The following SDR16C5 variants were observed in gnomAD, a reference collection of about 807,000 sequenced individuals.
The protein encoded by SDR16C5 is short chain dehydrogenase/reductase family 16C member 5.
A neutral mutation model predicts 27.7 loss-of-function variants in SDR16C5; 20 were observed. That is an observed-to-expected ratio of 0.72 (90% CI 0.51 to 1.05). The LOEUF is 1.05. SDR16C5 is among the 50% of genes least tolerant of loss of function. The pLI is 0.00. For synonymous variants in SDR16C5, 139 were observed against 132.3 expected (o/e 1.05, Z -0.35); for missense variants, 374 against 366.3 (o/e 1.02, Z -0.17).
At position 56,308,923 on chromosome 8, in the gene SDR16C5, C is replaced by T; in HGVS notation, c.565+5G>A. The T allele has an allele frequency of 6.2e-7, 1 of 1,602,634 alleles. No homozygotes were observed. Among genetic ancestry groups the T allele is most frequent in the Non-Finnish European group, 8.5e-7 (1 of 1,174,476 alleles). Reference sequence around the variant, plus strand: ...TGCAATTGTAAATTGCTATGTTTTTCTTACCTGCCAGCCCATTTACTCCAC... The same window carrying T: ...TGCAATTGTAAATTGCTATGTTTTTTTTACCTGCCAGCCCATTTACTCCAC... On this transcript the variant is annotated splice_donor_5th_base_variant and intron_variant, in intron 4 of 6. Transcript: ENST00000303749.
chr8:56,304,282 G>A (rs890668285), intron 6 of SDR16C5, among the ~76,000 whole-genome samples: 2 of 152,128 alleles, frequency 1.3e-5, no homozygotes, highest in Admixed American at 6.5e-5. Flanking sequence ...CATGGAGCTG[G>A]GGGAGAAGCA....
chr8:56,303,314 TAA>T (rs11339876), intron 6 of SDR16C5, among the ~76,000 whole-genome samples: 34 of 136,162 alleles, frequency 2.5e-4, no homozygotes, highest in African/African-American at 3.2e-4. Flanking sequence ...ACTCCATCTT[TAA>T]AAAAAAAAAA....
At position 56,300,009 on chromosome 8, in the gene SDR16C5, T is replaced by C. The variant is rs1270134273; in HGVS notation, c.*1471A>G. ...CATCTACAGTGGAATAAGATGTCAC[T>C]GTGAAATAAAACGCCTTTATTCTTT... On this transcript the variant is annotated 3_prime_UTR_variant, in exon 7 of 7. Transcript: ENST00000303749. 6.6e-6 allele frequency: 1 copy of C among 152,204 alleles called. No homozygotes were observed. Among genetic ancestry groups the C allele is most frequent in the African/African-American group, 2.4e-5 (1 of 41,450 alleles). The allele number at this position is 152,204 out of a possible 1,614,324, so 9.4% of individuals were successfully genotyped here.
At chr8:56,310,234 G>A (rs1440766978) in intron 3 of SDR16C5, among the ~76,000 whole-genome samples, 1 of 4,806 alleles carries the variant, frequency 2.1e-4, no homozygotes, top group Non-Finnish European at 4.6e-4. Context: ...GGAGGAAGGA[G>A]GAGGAGGAGG....
chr8:56,316,862 T>A (rs1815212312), intron 1 of SDR16C5, among the ~76,000 whole-genome samples: 1 of 152,220 alleles, frequency 6.6e-6, no homozygotes, highest in South Asian at 2.1e-4. Context: ...CTATTTAAAA[T>A]CTGAGATTTG....
intron 6 of SDR16C5, among the ~76,000 whole-genome samples, chr8:56,303,572 A>G (rs569276205): frequency 2.0e-5 from 3 of 152,258 alleles, no homozygotes; most frequent in East Asian, 3.9e-4. Context: ...TGGGTGATTC[A>G]TGACACACAA....
intron 3 of SDR16C5, among the ~76,000 whole-genome samples, chr8:56,310,640 C>T (rs1013810753): frequency 6.6e-6 from 1 of 151,476 alleles, no homozygotes; most frequent in African/African-American, 2.4e-5. Flanking sequence ...ATTGCTTGAA[C>T]CCGGGAGGTG....
chr8:56,311,627 A>G (rs1461215100), intron 3 of SDR16C5, among the ~76,000 whole-genome samples: 1 of 152,038 alleles, frequency 6.6e-6, no homozygotes, highest in African/African-American at 2.4e-5. Flanking sequence ...AACCTGGGTT[A>G]CCAGTGGAAC....
chr8:56,314,638 G>A (rs1434550170), intron 2 of SDR16C5, among the ~76,000 whole-genome samples: 4 of 152,188 alleles, frequency 2.6e-5, no homozygotes, highest in Admixed American at 6.5e-5. Flanking sequence ...TGGGCCCAGC[G>A]TAGGCCCGAG....
chr8:56,318,828 T>TC (rs1238575201), intron 1 of SDR16C5, among the ~76,000 whole-genome samples: 1 of 152,126 alleles, frequency 6.6e-6, no homozygotes, highest in East Asian at 1.9e-4. Flanking sequence ...CTGAGTTACC[T>TC]CCCTTCCCCA....
intron 1 of SDR16C5, among the ~76,000 whole-genome samples, chr8:56,316,883 G>A (rs971255892): frequency 6.6e-5 from 10 of 152,184 alleles, no homozygotes; most frequent in Admixed American, 6.5e-4. Context: ...AGAGGAAAAT[G>A]TAAAGTCCTA....
chr8:56,304,059 C>T (rs754929908), intron 6 of SDR16C5: 2 of 702,968 alleles, frequency 2.8e-6, no homozygotes, highest in South Asian at 3.0e-5. Context: ...GTCAGGCATT[C>T]TGACCCATCC....
intron 2 of SDR16C5, among the ~76,000 whole-genome samples, chr8:56,315,280 C>A (rs1028827740): frequency 2.3e-4 from 35 of 151,610 alleles, no homozygotes; most frequent in African/African-American, 8.2e-4. Flanking sequence ...GAGGGACGGG[C>A]ACGTGCCTCT....
At chr8:56,313,117 T>C (rs915954872) in intron 2 of SDR16C5, among the ~76,000 whole-genome samples, 3 of 152,182 alleles carry the variant, frequency 2.0e-5, no homozygotes, top group Non-Finnish European at 4.4e-5. Flanking sequence ...ATTTTTCTCT[T>C]CTTAAAATGA....
At chr8:56,314,933 C>G (rs1021374401) in intron 2 of SDR16C5, among the ~76,000 whole-genome samples, 1 of 152,060 alleles carries the variant, frequency 6.6e-6, no homozygotes, top group Admixed American at 6.5e-5. Context: ...GTGAAGTACT[C>G]AAGCCAATAT....
intron 3 of SDR16C5, among the ~76,000 whole-genome samples, chr8:56,311,536 G>T (rs59394472): frequency 0.023 from 3,449 of 152,298 alleles, 118 homozygotes; most frequent in African/African-American, 0.074. Flanking sequence ...TCTCAGCAAA[G>T]GCCAGAAACA....
chr8:56,308,888 T>C (rs1475118835), intron 4 of SDR16C5, 40 bp downstream of exon 4: 1 of 1,374,472 alleles, frequency 7.3e-7, no homozygotes, highest in Non-Finnish European at 1.0e-6. Flanking sequence ...GTTAAAGTTA[T>C]AGGGAATTTT....
intron 2 of SDR16C5, among the ~76,000 whole-genome samples, chr8:56,314,164 G>T (rs1290408322): frequency 3.3e-5 from 5 of 151,830 alleles, no homozygotes; most frequent in African/African-American, 1.2e-4. Flanking sequence ...CCAAGATCAT[G>T]CCACTGCACT....
intron 4 of SDR16C5, 127 bp downstream of exon 4, chr8:56,308,801 T>C (rs1189160880): frequency 1.6e-6 from 1 of 613,298 alleles, no homozygotes; most frequent in Non-Finnish European, 2.8e-6. Context: ...CAACCACTTA[T>C]TGACTATACT....
Sources: allele counts gnomAD v4.1 joint callset (sites outside exome capture counted in the v4.1 genomes callset), GRCh38; gene constraint gnomAD v4.1.1; transcripts MANE v1.5; gene names NCBI Gene and HGNC (gene_info 2026-07-23, HGNC 2026-07-21).